The following SLC39A11 variants were observed in gnomAD, a reference collection of about 807,000 sequenced individuals.
SLC39A11 encodes zinc transporter ZIP11.
Under a neutral mutation model 36.1 loss-of-function variants are expected in SLC39A11, and 33 were observed. The ratio of observed to expected loss-of-function variants is 0.91; its 90% confidence interval spans 0.69 to 1.22. The LOEUF is 1.22. Ranked by LOEUF, SLC39A11 falls within the 50% of genes most tolerant of loss-of-function variation. SLC39A11 has a pLI of 0.00. For synonymous variants in SLC39A11, 166 were observed against 170.3 expected (o/e 0.97, Z 0.20); for missense variants, 432 against 430.3 (o/e 1.00, Z -0.03).
intron 7 of SLC39A11, among the ~76,000 whole-genome samples, chr17:72,716,994 C>T (rs201163040): frequency 0.017 from 1,667 of 96,500 alleles, 20 homozygotes; most frequent in Middle Eastern, 0.038. Context: ...TATATATATA[C>T]ACACACACAC....
chr17:73,087,406 A>C (rs1363880006), intron 2 of SLC39A11, among the ~76,000 whole-genome samples: 1 of 152,134 alleles, frequency 6.6e-6, no homozygotes, highest in African/African-American at 2.4e-5. Context: ...GATCTCCCTC[A>C]CAACATGTTG....
intron 5 of SLC39A11, among the ~76,000 whole-genome samples, chr17:72,869,539 G>A (rs1036992387): frequency 9.9e-5 from 15 of 152,126 alleles, no homozygotes; most frequent in African/African-American, 3.4e-4. Context: ...ACAGGCACCC[G>A]CCACCATGCC....
chr17:72,849,560 C>A, intron 6 of SLC39A11, 74 bp downstream of exon 6: 1 of 1,406,006 alleles, frequency 7.1e-7, no homozygotes, highest in South Asian at 1.8e-5. Flanking sequence ...TTCCCCTTTT[C>A]CAGCCAGACA....
chr17:72,955,298 C>CTTTTTTTTTTTTTTT lies in SLC39A11; in HGVS notation c.307-7438_307-7424dup, dbSNP rs71359751. Among the ~76,000 whole-genome samples the CTTTTTTTTTTTTTTT allele has an allele frequency of 1.7e-3, 111 of 65,556 alleles. 2 individuals are homozygous for CTTTTTTTTTTTTTTT. Among genetic ancestry groups the CTTTTTTTTTTTTTTT allele is most frequent in the East Asian group, 4.0e-3 (6 of 1,500 alleles). The allele number at this position is 65,556 out of a possible 152,430, so 43.0% of individuals were successfully genotyped here. A position where few individuals can be genotyped will look rare whatever the true frequency, so the allele number is the denominator to read the frequency against. ...GAATAGGCTTTAACTTTTCAGTTCT[C>CTTTTTTTTTTTTTTT]TTTTTTTTTTTTTTTTTTTTGTTTG... On this transcript the variant is annotated intron_variant, in intron 4 of 9. Transcript: ENST00000255559.
chr17:72,938,275 C>A (rs1449408132), intron 5 of SLC39A11, among the ~76,000 whole-genome samples: 1 of 152,088 alleles, frequency 6.6e-6, no homozygotes, highest in Non-Finnish European at 1.5e-5. Flanking sequence ...TCCCTGATTC[C>A]TTTCTTTAGG....
intron 7 of SLC39A11, among the ~76,000 whole-genome samples, chr17:72,719,347 G>A (rs948161946): frequency 1.4e-4 from 21 of 152,182 alleles, no homozygotes; most frequent in Non-Finnish European, 2.2e-4. Context: ...GGATGGCAGC[G>A]AGGACTGAGC....
chr17:72,716,569 G>GC (rs1555646587), intron 7 of SLC39A11, among the ~76,000 whole-genome samples: 9 of 148,248 alleles, frequency 6.1e-5, no homozygotes, highest in African/African-American at 2.2e-4. Context: ...AGAGTATAAG[G>GC]AAAAAAAAAA....
rs149527618 is a variant in SLC39A11 at position 72,743,543 on chromosome 17, T to C, written c.602-6824A>G. ...CTGCCTTAGGAGGCATCAGCCCACTTTCCCCCTGGATTTAGAAAGCGAAAC... is the reference window on the plus strand; with the variant it reads ...CTGCCTTAGGAGGCATCAGCCCACTCTCCCCCTGGATTTAGAAAGCGAAAC... On this transcript the variant is annotated intron_variant, in intron 6 of 9. Transcript: ENST00000255559. 2.7e-3 allele frequency among the ~76,000 whole-genome samples: 411 copies of C among 152,234 alleles called. 2 individuals carry two copies. Among genetic ancestry groups the C allele is most frequent in the African/African-American group, 9.5e-3 (395 of 41,538 alleles).
intron 7 of SLC39A11, among the ~76,000 whole-genome samples, chr17:72,715,548 G>T (rs1239959746): frequency 6.6e-6 from 1 of 152,168 alleles, no homozygotes; most frequent in Admixed American, 6.5e-5. Flanking sequence ...GACACAAAGG[G>T]ACAAATACTG....
chr17:72,693,014 T>C (rs1268304614), intron 7 of SLC39A11, among the ~76,000 whole-genome samples: 2 of 152,240 alleles, frequency 1.3e-5, no homozygotes, highest in East Asian at 3.8e-4. Flanking sequence ...TATTAAATAC[T>C]ATCAGCATTC....
At chr17:73,078,002 G>A (rs2060380256) in intron 3 of SLC39A11, among the ~76,000 whole-genome samples, 1 of 152,164 alleles carries the variant, frequency 6.6e-6, no homozygotes, top group Non-Finnish European at 1.5e-5. Context: ...ACTTTGGGAG[G>A]CTGAGGTGGG....
At chr17:72,710,335 T>G (rs959341875) in intron 7 of SLC39A11, among the ~76,000 whole-genome samples, 1 of 152,236 alleles carries the variant, frequency 6.6e-6, no homozygotes, top group Non-Finnish European at 1.5e-5. Flanking sequence ...GGCTTGAATG[T>G]GTATGTCCCT....
intron 4 of SLC39A11, among the ~76,000 whole-genome samples, chr17:72,972,102 G>A (rs1012726807): frequency 1.3e-5 from 2 of 152,178 alleles, no homozygotes; most frequent in Admixed American, 6.5e-5. Flanking sequence ...AAAGAAAAAC[G>A]GTCTCAACGT....
intron 3 of SLC39A11, among the ~76,000 whole-genome samples, chr17:73,052,427 C>T (rs1037542790): frequency 1.3e-5 from 2 of 151,722 alleles, no homozygotes; most frequent in African/African-American, 2.4e-5. Flanking sequence ...CCACGCAGAA[C>T]AAAGCAGCAA....
intron 5 of SLC39A11, among the ~76,000 whole-genome samples, chr17:72,862,837 G>A (rs1321428526): frequency 6.6e-6 from 1 of 152,226 alleles, no homozygotes; most frequent in African/African-American, 2.4e-5. Context: ...GAGGCCACAT[G>A]TGCATGCGGG....
intron 7 of SLC39A11, among the ~76,000 whole-genome samples, chr17:72,729,426 TATATATATATATATATATATATA>T (rs2074085775): frequency 9.4e-4 from 5 of 5,308 alleles, no homozygotes; most frequent in Admixed American, 3.2e-3. Flanking sequence ...TATATATATA[TATATATATATATATATATATATA>T]TATATATATT....
chr17:72,834,079 C>A (rs1294178792), intron 6 of SLC39A11, among the ~76,000 whole-genome samples: 1 of 146,076 alleles, frequency 6.8e-6, no homozygotes, highest in Non-Finnish European at 1.5e-5. Context: ...CACTACACAA[C>A]AAACAATTTG....
chr17:72,857,008 G>T (rs2079678466), intron 5 of SLC39A11, among the ~76,000 whole-genome samples: 1 of 152,128 alleles, frequency 6.6e-6, no homozygotes, highest in South Asian at 2.1e-4. Flanking sequence ...TAGGTTCAGG[G>T]CTACATGTGC....
intron 7 of SLC39A11, among the ~76,000 whole-genome samples, chr17:72,708,976 C>T (rs1410578320): frequency 6.6e-6 from 1 of 150,696 alleles, no homozygotes; most frequent in Non-Finnish European, 1.5e-5. Flanking sequence ...CGCGCTGTTG[C>T]CCAGGCTGGA....
Sources: gnomAD v4.1 joint callset for allele counts (sites outside exome capture counted in the v4.1 genomes callset) on GRCh38, gnomAD v4.1.1 for gene constraint, MANE v1.5 for transcripts, NCBI Gene and HGNC (gene_info 2026-07-23, HGNC 2026-07-21) for gene names.